The following VPS39 variants were observed in gnomAD, a reference collection of about 807,000 sequenced individuals.
VPS39 encodes VPS39 subunit of HOPS complex.
Under a neutral mutation model 121.0 loss-of-function variants are expected in VPS39, and 70 were observed. The observed-to-expected ratio is 0.58, with a 90% CI of 0.48 to 0.71. The LOEUF is 0.71. Among genes scored for constraint, VPS39 ranks in the 30% least tolerant of loss-of-function variants. VPS39 has a pLI of 0.00. For missense variants in VPS39, 818 were observed against 1,051.5 expected (o/e 0.78, Z 3.07); for synonymous variants, 378 against 398.1 (o/e 0.95, Z 0.60).
chr15:42,169,691 C>A, intron 12 of VPS39, 33 bp downstream of exon 12: 1 of 1,554,856 alleles, frequency 6.4e-7, no homozygotes. Context: ...AACTCCCAGG[C>A]AAACTCTTTC....
chr15:42,196,761 T>G (rs1362541776), intron 2 of VPS39, among the ~76,000 whole-genome samples: 2 of 152,196 alleles, frequency 1.3e-5, no homozygotes, highest in African/African-American at 4.8e-5. Context: ...TGGAAGACAG[T>G]GTGGCAATTC....
At chr15:42,165,622 G>A (rs2049226307) in intron 17 of VPS39, 96 bp downstream of exon 17, 1 of 962,236 alleles carries the variant, frequency 1.0e-6, no homozygotes, top group Non-Finnish European at 1.6e-6. Flanking sequence ...ATCCCCAAGT[G>A]ACATAAATCC....
rs557064874 is a variant in VPS39 at position 42,161,372 on chromosome 15, T to A, written c.2552+310A>T. The A allele has an allele frequency of 6.4e-5, 29 of 453,410 alleles. No homozygotes were observed. In the East Asian group the frequency reaches 1.1e-3, roughly 17 times the overall value. 28.1% of individuals were successfully genotyped at this position (453,410 alleles called of 1,614,324 possible). A position where few individuals can be genotyped will look rare whatever the true frequency, so the allele number is the denominator to read the frequency against. The stretch of plus-strand genomic sequence containing the variant: ...TTCTTCCTTCACTGGATCTTCCTTA[T>A]AAGAACTTTCTGCAGACCTACATCT... On this transcript the variant is annotated intron_variant, in intron 24 of 24. Transcript: ENST00000318006.
In VPS39 at chr15:42,162,505, C is replaced by T. The variant is rs746662212; in HGVS notation, c.2176-24G>A. ...ACCTGTCTCAGAGAGACATGAGCTA[C>T]GTCAGGCTGGCAGCAACCCTCCCAG... On this transcript the variant is annotated intron_variant, in intron 21 of 24. Transcript: ENST00000318006. 8.3e-6 allele frequency: 13 copies of T among 1,570,466 alleles called. No homozygotes were observed. In the East Asian group the frequency reaches 1.8e-4, roughly 22 times the overall value.
chr15:42,161,829 G>C (rs1207167821), intron 23 of VPS39, 56 bp from the exon 24 acceptor site: 11 of 1,600,366 alleles, frequency 6.9e-6, no homozygotes, highest in Non-Finnish European at 8.6e-6. Context: ...CCAGAAACAG[G>C]AGGCAGAGGC....
At chr15:42,179,516 G>A (rs1263034222) in intron 8 of VPS39, among the ~76,000 whole-genome samples, 1 of 150,522 alleles carries the variant, frequency 6.6e-6, no homozygotes, top group Non-Finnish European at 1.5e-5. Context: ...GACGGAGCTT[G>A]CAGTGAGCCG....
intron 14 of VPS39, 32 bp downstream of exon 14, chr15:42,166,740 C>T: frequency 6.2e-7 from 1 of 1,613,468 alleles, no homozygotes; most frequent in Non-Finnish European, 8.5e-7. Flanking sequence ...TGTACAAGAG[C>T]CCCTCCCAGA....
chr15:42,161,939 A>G, intron 23 of VPS39, 93 bp downstream of exon 23: 3 of 1,599,116 alleles, frequency 1.9e-6, no homozygotes, highest in South Asian at 1.1e-5. Context: ...GCTGCACTGT[A>G]CAGGCTCTGC....
intron 11 of VPS39, 125 bp from the exon 12 acceptor site, chr15:42,169,991 A>G: frequency 9.0e-7 from 1 of 1,105,074 alleles, no homozygotes. Context: ...AAAGACTCTC[A>G]GTTCATAAAC....
intron 12 of VPS39, 107 bp downstream of exon 12, chr15:42,169,617 T>G: frequency 7.7e-7 from 1 of 1,298,382 alleles, no homozygotes; most frequent in South Asian, 2.0e-5. Context: ...ACAGCATTAA[T>G]TTACAGACTG....
chr15:42,175,141 C>T (rs970003313), intron 10 of VPS39, among the ~76,000 whole-genome samples: 24 of 152,212 alleles, frequency 1.6e-4, no homozygotes, highest in African/African-American at 4.3e-4. Context: ...GGGCCGGGCG[C>T]GGTAGCTCAC....
At chr15:42,198,588 A>G (rs999669927) in intron 2 of VPS39, among the ~76,000 whole-genome samples, 1 of 152,024 alleles carries the variant, frequency 6.6e-6, no homozygotes, top group Non-Finnish European at 1.5e-5. Flanking sequence ...CATTCCTCCT[A>G]CTTCAGTCTC....
intron 3 of VPS39, 151 bp from the exon 4 acceptor site, chr15:42,191,318 A>G (rs1217537851): frequency 5.4e-6 from 6 of 1,117,806 alleles, no homozygotes; most frequent in Non-Finnish European, 7.8e-6. Flanking sequence ...TTCTGTGATT[A>G]TCATTTCTGC....
intron 2 of VPS39, chr15:42,199,511 G>A (rs2050019444): frequency 9.2e-6 from 4 of 436,868 alleles, no homozygotes; most frequent in South Asian, 5.0e-5. Flanking sequence ...ATTTTAAATC[G>A]ATGTTGCCTA....
At position 42,184,514 on chromosome 15, in the gene VPS39, C is replaced by T. The variant is rs1169433876; in HGVS notation, c.718+3G>A. ...GGGAAACAGCAGCTACTGTTGGTCTCACCCATGGCCACTGGTATGTCCGTC... is the reference window on the plus strand; with the variant it reads ...GGGAAACAGCAGCTACTGTTGGTCTTACCCATGGCCACTGGTATGTCCGTC... On this transcript the variant is annotated splice_donor_region_variant and intron_variant, in intron 8 of 24. Coordinates refer to ENST00000318006, the MANE Select transcript of VPS39 (RefSeq NM_015289.5). The T allele has an allele frequency of 1.3e-6, 2 of 1,597,326 alleles. No individual in the cohort carries two copies. The highest frequency in any genetic ancestry group is 1.7e-6 in the Non-Finnish European group (2 of 1,173,432).
At chr15:42,198,696 G>A (rs1354217065) in intron 2 of VPS39, among the ~76,000 whole-genome samples, 7 of 152,072 alleles carry the variant, frequency 4.6e-5, no homozygotes, top group Admixed American at 4.6e-4. Flanking sequence ...CTGCTCCAGG[G>A]CCTAACTGAG....
At chr15:42,194,897 C>T (rs913829357) in intron 2 of VPS39, among the ~76,000 whole-genome samples, 1 of 151,094 alleles carries the variant, frequency 6.6e-6, no homozygotes, top group Non-Finnish European at 1.5e-5. Flanking sequence ...GTTTTAATTA[C>T]CATTCCTTTT....
intron 17 of VPS39, chr15:42,165,513 T>A: frequency 1.9e-6 from 1 of 520,872 alleles, no homozygotes; most frequent in South Asian, 2.9e-5. Flanking sequence ...TATTCTTTTA[T>A]CCCTCTGTAG....
At position 42,187,365 on chromosome 15, in the gene VPS39, T is replaced by A; in HGVS notation, c.442-2A>T. 1 of 1,596,722 alleles carries A rather than the reference T, an allele frequency of 6.3e-7. No individual in the cohort carries two copies. The highest frequency in any genetic ancestry group is 8.5e-7 in the Non-Finnish European group (1 of 1,175,458). ...CACATCTGGCACACTAAAGTCCCCC[T>A]GAAAAAAGAGAGCAAGGATCTGAAT... is the stretch of plus-strand genomic sequence containing the variant. On this transcript the variant is annotated splice_acceptor_variant, in intron 6 of 24. Coordinates refer to ENST00000318006, the MANE Select transcript of VPS39 (RefSeq NM_015289.5). LOFTEE classifies it high-confidence loss of function.
Sources: gnomAD v4.1 joint callset for allele counts (sites outside exome capture counted in the v4.1 genomes callset) on GRCh38, gnomAD v4.1.1 for gene constraint, MANE v1.5 for transcripts, NCBI Gene and HGNC (gene_info 2026-07-23, HGNC 2026-07-21) for gene names.